ANXA2: variants seen among roughly 807,000 people sequenced by gnomAD.
The protein encoded by ANXA2 is annexin A2, also known as annexin II.
In ANXA2, 28 loss-of-function variants were observed where a neutral mutation model predicts 47.3. The observed-to-expected ratio is 0.59, with a 90% CI of 0.44 to 0.81. The LOEUF is 0.81. Among genes scored for constraint, ANXA2 ranks in the 40% least tolerant of loss-of-function variants. The pLI, the probability that ANXA2 is intolerant of heterozygous loss-of-function variation, is 0.00. For missense variants in ANXA2, 384 were observed against 414.3 expected, an observed-to-expected ratio of 0.93 and a Z score of 0.64; for synonymous variants, 172 against 155.5, an observed-to-expected ratio of 1.11 and a Z score of -0.79.
intron 1 of ANXA2, chr15:60,386,291 A>G (rs941878665): frequency 1.1e-4 from 58 of 542,992 alleles, no homozygotes; most frequent in Middle Eastern, 7.1e-4. Flanking sequence ...ATGGACTACT[A>G]AACTAGCCAG....
chr15:60,378,538 T>C (rs1401750287), intron 3 of ANXA2, among the ~76,000 whole-genome samples: 1 of 152,216 alleles, frequency 6.6e-6, no homozygotes, highest in Admixed American at 6.5e-5. Context: ...ACTGAGCTCT[T>C]ACGAATATCA....
intron 4 of ANXA2, chr15:60,361,311 T>C: frequency 2.3e-6 from 1 of 433,478 alleles, no homozygotes; most frequent in Non-Finnish European, 4.3e-6. Context: ...AAAAGGAAAC[T>C]GGAGTCGTAT....
At chr15:60,356,367 T>C (rs145613217) in intron 6 of ANXA2, among the ~76,000 whole-genome samples, 26 of 152,164 alleles carry the variant, frequency 1.7e-4, no homozygotes, top group African/African-American at 6.3e-4. Context: ...ACACACACAA[T>C]TGTGCTTTAC....
At chr15:60,362,563 A>G (rs898288302) in intron 4 of ANXA2, 1 of 152,084 alleles carries the variant, frequency 6.6e-6, no homozygotes, top group East Asian at 1.9e-4. Context: ...CAAGCTCATC[A>G]CCTGGGCAGC....
intron 3 of ANXA2, among the ~76,000 whole-genome samples, chr15:60,365,502 CAA>C (rs2062582701): frequency 6.6e-6 from 1 of 152,188 alleles, no homozygotes; most frequent in African/African-American, 2.4e-5. Flanking sequence ...GCTAAACCTA[CAA>C]AGTCACTTGC....
intron 3 of ANXA2, among the ~76,000 whole-genome samples, chr15:60,377,381 CAA>C (rs1156836359): frequency 6.6e-6 from 1 of 152,018 alleles, no homozygotes; most frequent in Non-Finnish European, 1.5e-5. Flanking sequence ...AGAAAATTTG[CAA>C]AATACAGAAA....
In ANXA2 at chr15:60,377,155, GCTT is replaced by G. The variant is rs1168647602; in HGVS notation, c.148+5184_148+5186del. ...GGAGTGGGGCCAAGGTGTGGTGTAA[GCTT>G]CTTAATTACACTTAAGGCAAAAGGC... is the stretch of plus-strand genomic sequence containing the variant. On this transcript the variant is annotated intron_variant, in intron 3 of 12. Transcript: ENST00000451270. 2.0e-5 allele frequency among the ~76,000 whole-genome samples: 3 copies of G among 152,290 alleles called. No homozygotes were observed. In the East Asian group the frequency reaches 5.8e-4, roughly 29 times the overall value.
At chr15:60,365,528 C>T (rs1359950737) in intron 3 of ANXA2, among the ~76,000 whole-genome samples, 1 of 152,150 alleles carries the variant, frequency 6.6e-6, no homozygotes. Context: ...CTACAAATGG[C>T]TTGGCCTGAA....
intron 3 of ANXA2, among the ~76,000 whole-genome samples, chr15:60,368,246 T>G (rs868516055): frequency 6.8e-6 from 1 of 146,084 alleles, no homozygotes; most frequent in South Asian, 2.1e-4. Flanking sequence ...TGACCTTCCC[T>G]CCACTATTGT....
At chr15:60,374,029 C>CTGGCGGAGTTGGGTGCCTCTCCCAAGT in intron 3 of ANXA2, among the ~76,000 whole-genome samples, 1 of 152,096 alleles carries the variant, frequency 6.6e-6, no homozygotes, top group Non-Finnish European at 1.5e-5. Context: ...CTCTCCCAAG[C>CTGGCGGAGTTGGGTGCCTCTCCCAAGT]CTGGCACAGC....
intron 1 of ANXA2, chr15:60,397,253 A>G: frequency 1.0e-6 from 1 of 984,582 alleles, no homozygotes; most frequent in South Asian, 4.7e-5. Context: ...CATGGGGGAC[A>G]CTACCTTCCT....
At chr15:60,381,379 A>G (rs1441529957) in intron 3 of ANXA2, among the ~76,000 whole-genome samples, 1 of 152,184 alleles carries the variant, frequency 6.6e-6, no homozygotes, top group African/African-American at 2.4e-5. Flanking sequence ...CAAGGGGGGA[A>G]AAGTGGAGAA....
chr15:60,390,245 C>G, intron 1 of ANXA2: 1 of 1,024,342 alleles, frequency 9.8e-7, no homozygotes, highest in Non-Finnish European at 1.2e-6. Flanking sequence ...TTGACATTAT[C>G]CCATGCAGGT....
chr15:60,379,460 A>G (rs1022751536), intron 3 of ANXA2, among the ~76,000 whole-genome samples: 10 of 145,216 alleles, frequency 6.9e-5, no homozygotes, highest in African/African-American at 2.8e-4. Flanking sequence ...AAATAATTCA[A>G]GGCAATGAAA....
At chr15:60,364,025 C>T (rs908162345) in intron 4 of ANXA2, among the ~76,000 whole-genome samples, 1 of 152,220 alleles carries the variant, frequency 6.6e-6, no homozygotes, top group African/African-American at 2.4e-5. Context: ...GAAGCTCTCC[C>T]TCCAGGTAGC....
chr15:60,372,729 T>C (rs1050644329), intron 3 of ANXA2, among the ~76,000 whole-genome samples: 1 of 151,070 alleles, frequency 6.6e-6, no homozygotes, highest in African/African-American at 2.4e-5. Context: ...GGTCTCACTC[T>C]GTTGACCAGG....
At chr15:60,397,879 C>A in intron 1 of ANXA2, 64 bp downstream of exon 1, 1 of 1,378,890 alleles carries the variant, frequency 7.3e-7, no homozygotes, top group East Asian at 3.0e-5. Flanking sequence ...ACCCTTCTTC[C>A]CAGCGTCTCC....
chr15:60,363,622 G>A (rs1429983963), intron 4 of ANXA2, among the ~76,000 whole-genome samples: 4 of 152,116 alleles, frequency 2.6e-5, no homozygotes, highest in African/African-American at 9.7e-5. Flanking sequence ...CAAAATAAAG[G>A]ACGAACACGC....
intron 3 of ANXA2, among the ~76,000 whole-genome samples, chr15:60,365,206 CTAAAT>C (rs2062578598): frequency 6.6e-6 from 1 of 151,492 alleles, no homozygotes. Flanking sequence ...GTGTTTTAAT[CTAAAT>C]TAAATCTAAA....
Sources: gnomAD v4.1 joint callset for allele counts (sites outside exome capture counted in the v4.1 genomes callset) on GRCh38, gnomAD v4.1.1 for gene constraint, MANE v1.5 for transcripts, NCBI Gene and HGNC (gene_info 2026-07-23, HGNC 2026-07-21) for gene names.